Variants in PKHD1 observed in about 807,000 individuals in gnomAD.
The protein encoded by PKHD1 is PKHD1 ciliary IPT domain containing fibrocystin/polyductin.
A neutral mutation model predicts 412.0 loss-of-function variants in PKHD1; 291 were observed. That is an observed-to-expected ratio of 0.71 (90% CI 0.64 to 0.78). The LOEUF (loss-of-function observed/expected upper bound fraction) is 0.78, where lower values mean the gene tolerates loss of function less well. PKHD1 is among the 30% of genes least tolerant of loss of function. The pLI is 0.00. For synonymous variants in PKHD1, 1,777 were observed against 1,821.5 expected (o/e 0.98, Z 0.62); for missense variants, 4,825 against 4,950.7 (o/e 0.97, Z 0.76).
At chr6:51,955,439 C>T (rs1394797066) in intron 36 of PKHD1, among the ~76,000 whole-genome samples, 3 of 151,986 alleles carry the variant, frequency 2.0e-5, no homozygotes, top group African/African-American at 7.2e-5. Context: ...TATGACCCTG[C>T]CTTCTACTAT....
At position 51,754,933 on chromosome 6, in the gene PKHD1, A is replaced by G. The variant is rs1786711238; in HGVS notation, c.8648T>C (p.Ile2883Thr). 1.9e-6 allele frequency: 3 copies of G among 1,612,808 alleles called. No homozygotes were observed. The highest frequency in any genetic ancestry group is 1.7e-5 in the Admixed American group (1 of 59,982). The change falls in exon 56 of 67, where the codon ATA becomes ACA. Residue 2883 changes from isoleucine to threonine, a missense_variant. Physicochemically the swap from Ile to Thr is moderately conservative, Grantham distance 89 (BLOSUM62 -1). Coordinates refer to ENST00000371117, the MANE Select transcript of PKHD1 (RefSeq NM_138694.4). ...ADIASGNERI[I>T]VEDAVDWRPH... ...GCGCCAATCCACTGCATCTTCTACT[A>G]TAATTCTGTAACAGCATAACAATGG... is the stretch of plus-strand genomic sequence containing the variant.
At chr6:51,710,126 C>T (rs982414912) in intron 60 of PKHD1, among the ~76,000 whole-genome samples, 8 of 152,096 alleles carry the variant, frequency 5.3e-5, no homozygotes, top group Non-Finnish European at 1.0e-4. Flanking sequence ...GGGAGAATTG[C>T]TTGACCCCGG....
In PKHD1 at chr6:52,025,086, A is replaced by C. The variant is rs1167881157; in HGVS notation, c.4724T>G (p.Val1575Gly). Residue 1575 changes from valine (V) to glycine (G), a missense_variant, in exon 32 of 67, where the codon GTG becomes GGG. Physicochemically the swap from Val to Gly is moderately radical, Grantham distance 109. Transcript: ENST00000371117. The part of the protein sequence containing the change: ...VSRHFYIMPQ[V>G]FHYFPKNFSL... ...GAAATTCTTAGGAAAATAATGAAAC[A>C]CTTGGGGCATAATGTAGAAGTGTCT... The C allele has an allele frequency of 6.2e-7, 1 of 1,614,164 alleles. No individual in the cohort carries two copies. The highest frequency in any genetic ancestry group is 1.7e-5 in the Admixed American group (1 of 60,026).
chr6:51,989,783 T>C (rs1457342330), intron 35 of PKHD1, among the ~76,000 whole-genome samples: 1 of 149,070 alleles, frequency 6.7e-6, no homozygotes, highest in East Asian at 2.0e-4. Flanking sequence ...AATATACAGC[T>C]ATATCTGCTG....
At chr6:52,080,071 C>A in intron 4 of PKHD1, 63 bp from the exon 5 acceptor site, 2 of 928,188 alleles carry the variant, frequency 2.2e-6, no homozygotes, top group Non-Finnish European at 3.6e-6. Context: ...GCTAGCAGCC[C>A]ACTTGCCACT....
At position 51,912,705 on chromosome 6, in the gene PKHD1, C is replaced by T. The variant is rs537353948; in HGVS notation, c.6122-129G>A. ...ATAAAATAAGACCTGGAAAAGCAAG[C>T]TTCAGGATAGGTAAGCACTAATTTT... On this transcript the variant is annotated intron_variant, in intron 37 of 66. Coordinates refer to ENST00000371117, the MANE Select transcript of PKHD1 (RefSeq NM_138694.4). 5.4e-6 allele frequency: 4 copies of T among 735,696 alleles called. No individual in the cohort carries two copies. In the African/African-American group the frequency reaches 7.0e-5, roughly 13 times the overall value. The allele number at this position is 735,696 out of a possible 1,614,324, so 45.6% of individuals were successfully genotyped here. A position where few individuals can be genotyped will look rare whatever the true frequency, so the allele number is the denominator to read the frequency against.
chr6:51,892,821 C>A lies in PKHD1; in HGVS notation c.6997-5576G>T, dbSNP rs150470996. 1.3e-3 allele frequency among the ~76,000 whole-genome samples: 191 copies of A among 152,256 alleles called. 1 individual carries two copies. Among genetic ancestry groups the A allele is most frequent in the Middle Eastern group, 0.01 (3 of 294 alleles). On this transcript the variant is annotated intron_variant, in intron 43 of 66. Transcript: ENST00000371117. Reference sequence around the variant, plus strand: ...CAGCTATCTCAATTTTTCTCTTGTGCTAGAAAACAGAGTATGCACTCCTGC... The same window carrying A: ...CAGCTATCTCAATTTTTCTCTTGTGATAGAAAACAGAGTATGCACTCCTGC...
rs184412339 is a variant in PKHD1 at position 52,070,951 on chromosome 6, G to C, written c.667+55C>G. On this transcript the variant is annotated intron_variant, in intron 9 of 66. Transcript: ENST00000371117. ...CCAATCTTGCAATTGCTTTTGTCCG[G>C]ATACAGAGAAAGAAATGGATAAGAC... is the stretch of plus-strand genomic sequence containing the variant. 6.5e-6 allele frequency: 7 copies of C among 1,070,842 alleles called. No individual in the cohort carries two copies. In the African/African-American group the frequency reaches 7.8e-5, roughly 12 times the overall value. 66.3% of individuals were successfully genotyped at this position (1,070,842 alleles called of 1,614,324 possible). A position where few individuals can be genotyped will look rare whatever the true frequency, so the allele number is the denominator to read the frequency against.
At chr6:51,918,252 G>A (rs1051272845) in intron 37 of PKHD1, among the ~76,000 whole-genome samples, 1 of 151,804 alleles carries the variant, frequency 6.6e-6, no homozygotes, top group Non-Finnish European at 1.5e-5. Flanking sequence ...AGAACGTGCA[G>A]GTTTGTTACA....
chr6:52,078,721 G>A (rs1346872778), intron 5 of PKHD1, among the ~76,000 whole-genome samples: 2 of 152,076 alleles, frequency 1.3e-5, no homozygotes, highest in African/African-American at 4.8e-5. Context: ...CTTTTAATAA[G>A]CAGGAAAACT....
rs1256264976 is a variant in PKHD1, at chr6:51,659,993, A to G, written c.10157-24T>C. Reference sequence around the variant, plus strand: ...ACCTATAAAAGAAAAGAAGCAAAACAAGTGATATATGAATTATAATCTGTC... The same window carrying G: ...ACCTATAAAAGAAAAGAAGCAAAACGAGTGATATATGAATTATAATCTGTC... On this transcript the variant is annotated intron_variant, in intron 60 of 66. Coordinates refer to ENST00000371117, the MANE Select transcript of PKHD1 (RefSeq NM_138694.4). 4 of 1,373,846 alleles carry G rather than the reference A, an allele frequency of 2.9e-6. No homozygotes were observed. In the African/African-American group the frequency reaches 5.7e-5, roughly 20 times the overall value. The allele number at this position is 1,373,846 out of a possible 1,614,324, so 85.1% of individuals were successfully genotyped here. A position where few individuals can be genotyped will look rare whatever the true frequency, so the allele number is the denominator to read the frequency against.
At position 52,048,049 on chromosome 6, in the gene PKHD1, T is replaced by C. The variant is rs192214791; in HGVS notation, c.2407+443A>G. ...AGCAACGTGACCACAGAGGCGGTGG[T>C]TGGAGTGATATGGCCACAGCCAAGA... On this transcript the variant is annotated intron_variant, in intron 23 of 66. Coordinates refer to ENST00000371117, the MANE Select transcript of PKHD1 (RefSeq NM_138694.4). Among the ~76,000 whole-genome samples, 1,027 of 152,138 alleles carry C rather than the reference T, an allele frequency of 6.8e-3. 21 individuals are homozygous for C. The highest frequency in any genetic ancestry group is 0.023 in the African/African-American group (954 of 41,488).
intron 60 of PKHD1, among the ~76,000 whole-genome samples, chr6:51,723,793 GAAAGAC>G (rs1554207552): frequency 6.6e-5 from 10 of 152,102 alleles, no homozygotes; most frequent in Non-Finnish European, 1.5e-4. Flanking sequence ...CAGAAAGAGA[GAAAGAC>G]AGAGAGAGAG....
At chr6:51,982,172 T>C (rs1329267622) in intron 35 of PKHD1, among the ~76,000 whole-genome samples, 20 of 40,536 alleles carry the variant, frequency 4.9e-4, no homozygotes, top group Middle Eastern at 6.2e-3. Context: ...AGCCACCCCG[T>C]CCGGGAGGGA....
intron 66 of PKHD1, among the ~76,000 whole-genome samples, chr6:51,626,587 G>A (rs182274793): frequency 1.5e-4 from 23 of 152,276 alleles, no homozygotes; most frequent in African/African-American, 4.6e-4. Flanking sequence ...CTCATTTGTC[G>A]AGGGTTCTGT....
At chr6:51,698,869 T>C (rs953374664) in intron 60 of PKHD1, among the ~76,000 whole-genome samples, 1 of 152,220 alleles carries the variant, frequency 6.6e-6, no homozygotes, top group African/African-American at 2.4e-5. Context: ...TTTTGAATAA[T>C]TATAGGCAAA....
chr6:51,838,552 G>T (rs978502585), intron 50 of PKHD1, among the ~76,000 whole-genome samples: 2 of 152,234 alleles, frequency 1.3e-5, no homozygotes, highest in Non-Finnish European at 1.5e-5. Flanking sequence ...TCAGTGAAGA[G>T]AAGTAGTTTC....
At chr6:51,880,782 A>T (rs1382988008) in intron 46 of PKHD1, among the ~76,000 whole-genome samples, 18 of 21,590 alleles carry the variant, frequency 8.3e-4, no homozygotes, top group East Asian at 7.2e-3. Context: ...AAAAAATTAA[A>T]AAAAAAAAAA....
At chr6:51,838,914 C>T (rs1303565178) in intron 50 of PKHD1, among the ~76,000 whole-genome samples, 1 of 152,210 alleles carries the variant, frequency 6.6e-6, no homozygotes, top group East Asian at 1.9e-4. Flanking sequence ...GTCCATGGAA[C>T]ATGCTTAGCA....
Sources: gnomAD v4.1 joint callset for allele counts (sites outside exome capture counted in the v4.1 genomes callset) on GRCh38, gnomAD v4.1.1 for gene constraint, MANE v1.5 for transcripts, NCBI Gene and HGNC (gene_info 2026-07-23, HGNC 2026-07-21) for gene names.